Variants in CRPPA observed in about 807,000 individuals in gnomAD.
CRPPA encodes the protein CDP-L-ribitol pyrophosphorylase A, also known as D-ribitol-5-phosphate cytidylyltransferase.
In CRPPA, 43 loss-of-function variants were observed where a neutral mutation model predicts 52.0. The observed-to-expected ratio is 0.83, with a 90% CI of 0.65 to 1.07. The LOEUF (loss-of-function observed/expected upper bound fraction) is 1.07, where lower values mean the gene tolerates loss of function less well. Ranked by LOEUF, CRPPA falls within the 50% of genes least tolerant of loss-of-function variation. The pLI is 0.00. For missense variants in CRPPA, 629 were observed against 551.7 expected (o/e 1.14, Z -1.40); for synonymous variants, 250 against 203.5 (o/e 1.23, Z -1.94).
intron 6 of CRPPA, among the ~76,000 whole-genome samples, chr7:16,271,788 G>T (rs964967462): frequency 1.7e-4 from 26 of 152,034 alleles, no homozygotes; most frequent in African/African-American, 6.0e-4. Flanking sequence ...ATCACAATTT[G>T]ACATTTTAAT....
chr7:16,389,864 T>C (rs771185681), intron 2 of CRPPA, among the ~76,000 whole-genome samples: 4 of 137,544 alleles, frequency 2.9e-5, no homozygotes, highest in Non-Finnish European at 6.1e-5. Flanking sequence ...CTTCTAACTA[T>C]TAGAAGAAGC....
intron 2 of CRPPA, among the ~76,000 whole-genome samples, chr7:16,397,165 C>A (rs1787609577): frequency 6.6e-6 from 1 of 152,248 alleles, no homozygotes; most frequent in South Asian, 2.1e-4. Context: ...AGCAAAATGC[C>A]AATGACACGA....
chr7:16,116,608 G>C (rs533955816), intron 9 of CRPPA, among the ~76,000 whole-genome samples: 2 of 138,994 alleles, frequency 1.4e-5, no homozygotes, highest in Admixed American at 8.1e-5. Flanking sequence ...GTTGCAGTGA[G>C]CCAAGATTGC....
intron 9 of CRPPA, among the ~76,000 whole-genome samples, chr7:16,168,055 T>G (rs529114340): frequency 6.6e-6 from 1 of 152,352 alleles, no homozygotes; most frequent in South Asian, 2.1e-4. Context: ...AAGTGACTTT[T>G]CTTATTCTTT....
At position 16,203,949 on chromosome 7, in the gene CRPPA, G is replaced by A. The variant is rs116150501; in HGVS notation, c.1251+12117C>T. ...AAATCTACATAAAGATTTGACACAC[G>A]TATTAATTCATGTTACAAAAACAAA... On this transcript the variant is annotated intron_variant, in intron 9 of 9. Coordinates refer to ENST00000407010, the MANE Select transcript of CRPPA (RefSeq NM_001101426.4). Among the ~76,000 whole-genome samples, 1,026 of 152,150 alleles carry A rather than the reference G, an allele frequency of 6.7e-3. 12 individuals carry two copies. Among genetic ancestry groups the A allele is most frequent in the African/African-American group, 0.023 (969 of 41,520 alleles).
chr7:16,160,549 C>T (rs10245480), intron 9 of CRPPA, among the ~76,000 whole-genome samples: 86 of 152,278 alleles, frequency 5.6e-4, no homozygotes, highest in African/African-American at 2.0e-3. Flanking sequence ...CAGTACCGTG[C>T]TGCTTTTGTT....
At chr7:16,147,532 T>A (rs1782997906) in intron 9 of CRPPA, among the ~76,000 whole-genome samples, 1 of 152,198 alleles carries the variant, frequency 6.6e-6, no homozygotes. Context: ...CTTACTTATC[T>A]TTGTTCAATA....
intron 6 of CRPPA, among the ~76,000 whole-genome samples, chr7:16,261,078 T>A (rs1783782292): frequency 6.6e-6 from 1 of 151,988 alleles, no homozygotes; most frequent in African/African-American, 2.4e-5. Flanking sequence ...CAATTCTCTA[T>A]GAATAATATA....
At chr7:16,384,078 T>C (rs776218909) in intron 2 of CRPPA, among the ~76,000 whole-genome samples, 11 of 152,162 alleles carry the variant, frequency 7.2e-5, no homozygotes, top group Non-Finnish European at 1.0e-4. Flanking sequence ...AAATCACCCG[T>C]CTTCTGCGTC....
intron 1 of CRPPA, among the ~76,000 whole-genome samples, chr7:16,412,130 C>T (rs906681486): frequency 6.6e-6 from 1 of 152,090 alleles, no homozygotes; most frequent in African/African-American, 2.4e-5. Context: ...TAAATAATTA[C>T]AAACAGACAC....
chr7:16,242,056 T>G (rs929228639), intron 8 of CRPPA, among the ~76,000 whole-genome samples: 17 of 147,764 alleles, frequency 1.2e-4, no homozygotes, highest in Non-Finnish European at 2.2e-4. Flanking sequence ...TTCCAGCGAT[T>G]CTTCTGCCTC....
rs1326657906 is a variant in CRPPA at position 16,327,101 on chromosome 7, A to G, written c.685-18474T>C. On this transcript the variant is annotated intron_variant, in intron 3 of 9. Coordinates refer to ENST00000407010, the MANE Select transcript of CRPPA (RefSeq NM_001101426.4). ...TCTATTTTTCCCCAGGAGAGTAAAAATATTTCATAGGATCTTTACCAACAC... is the reference window on the plus strand; with the variant it reads ...TCTATTTTTCCCCAGGAGAGTAAAAGTATTTCATAGGATCTTTACCAACAC... 2.6e-5 allele frequency among the ~76,000 whole-genome samples: 4 copies of G among 152,174 alleles called. No individual in the cohort carries two copies. In the South Asian group the frequency reaches 8.3e-4, roughly 31 times the overall value.
chr7:16,226,028 T>G (rs1274738334), intron 8 of CRPPA, among the ~76,000 whole-genome samples: 1 of 151,992 alleles, frequency 6.6e-6, no homozygotes, highest in African/African-American at 2.4e-5. Context: ...ATCCAAGTCA[T>G]ATTAGAAAAG....
At chr7:16,097,894 C>T (rs17286418) in intron 9 of CRPPA, among the ~76,000 whole-genome samples, 1 of 152,036 alleles carries the variant, frequency 6.6e-6, no homozygotes, top group African/African-American at 2.4e-5. Context: ...TAGCACCTTG[C>T]AAGTGTATAA....
At chr7:16,224,672 A>C (rs527338916) in intron 8 of CRPPA, among the ~76,000 whole-genome samples, 6 of 152,298 alleles carry the variant, frequency 3.9e-5, no homozygotes, top group Admixed American at 1.3e-4. Flanking sequence ...AATAAAACCC[A>C]AAATCTTCAA....
intron 9 of CRPPA, among the ~76,000 whole-genome samples, chr7:16,118,596 C>T (rs1445986846): frequency 6.6e-6 from 1 of 152,144 alleles, no homozygotes; most frequent in African/African-American, 2.4e-5. Flanking sequence ...ATCTGTGAAT[C>T]AATAAAATGT....
chr7:16,403,644 G>A (rs1009776689), intron 2 of CRPPA, among the ~76,000 whole-genome samples: 1 of 152,206 alleles, frequency 6.6e-6, no homozygotes. Context: ...TCTGAACGGT[G>A]TGTGACTGCA....
intron 9 of CRPPA, among the ~76,000 whole-genome samples, chr7:16,099,282 AAAAAAAAGGAAAG>A (rs1484319570): frequency 7.3e-5 from 11 of 150,092 alleles, no homozygotes; most frequent in Admixed American, 3.3e-4. Flanking sequence ...GAGGGGCAGA[AAAAAAAAGGAAAG>A]AAAAAAAGGA....
intron 9 of CRPPA, among the ~76,000 whole-genome samples, chr7:16,190,135 A>C (rs772019090): frequency 3.9e-4 from 59 of 152,328 alleles, no homozygotes; most frequent in Admixed American, 9.2e-4. Flanking sequence ...AAATTCATCC[A>C]GATTTACAAG....
Sources: allele counts gnomAD v4.1 joint callset (sites outside exome capture counted in the v4.1 genomes callset), GRCh38; gene constraint gnomAD v4.1.1; transcripts MANE v1.5; gene names NCBI Gene and HGNC (gene_info 2026-07-23, HGNC 2026-07-21).